The following SLC38A4 variants were observed in gnomAD, a reference collection of about 807,000 sequenced individuals.
SLC38A4 encodes the protein solute carrier family 38 member 4.
In SLC38A4, 20 loss-of-function variants were observed where a neutral mutation model predicts 63.1. The observed-to-expected ratio is 0.32, with a 90% CI of 0.22 to 0.46. The LOEUF (loss-of-function observed/expected upper bound fraction) is 0.46, where lower values mean the gene tolerates loss of function less well. Among genes scored for constraint, SLC38A4 ranks in the 20% least tolerant of loss-of-function variants. The pLI, the probability that SLC38A4 is intolerant of heterozygous loss-of-function variation, is 1.00. For missense variants in SLC38A4, 526 were observed against 663.6 expected, an observed-to-expected ratio of 0.79 and a Z score of 2.28; for synonymous variants, 230 against 225.5, an observed-to-expected ratio of 1.02 and a Z score of -0.18.
chr12:46,777,286 A>G (rs1938548748), intron 12 of SLC38A4, among the ~76,000 whole-genome samples: 1 of 152,068 alleles, frequency 6.6e-6, no homozygotes, highest in Admixed American at 6.6e-5. Context: ...GAATAAGAAT[A>G]TAATTAACAT....
chr12:46,767,856 A>G (rs1938331117), intron 16 of SLC38A4, among the ~76,000 whole-genome samples: 1 of 152,126 alleles, frequency 6.6e-6, no homozygotes, highest in African/African-American at 2.4e-5. Flanking sequence ...TCTGGATCTT[A>G]GTCCACACCA....
chr12:46,807,467 A>C (rs1203484508), intron 1 of SLC38A4, among the ~76,000 whole-genome samples: 1 of 151,970 alleles, frequency 6.6e-6, no homozygotes, highest in Non-Finnish European at 1.5e-5. Flanking sequence ...TACTAGCAGG[A>C]CTGCAGAAAG....
chr12:46,784,983 G>T, intron 6 of SLC38A4, 121 bp downstream of exon 6: 1 of 898,394 alleles, frequency 1.1e-6, no homozygotes, highest in Non-Finnish European at 1.8e-6. Flanking sequence ...CGTGTCACTG[G>T]GCTCAGAAGA....
At chr12:46,816,562 G>A (rs879679512) in intron 1 of SLC38A4, among the ~76,000 whole-genome samples, 2 of 151,640 alleles carry the variant, frequency 1.3e-5, no homozygotes, top group East Asian at 1.9e-4. Context: ...ATAAAAATAC[G>A]GGCAGCTGAT....
chr12:46,785,964 T>A (rs904807523), intron 5 of SLC38A4, among the ~76,000 whole-genome samples: 1 of 151,940 alleles, frequency 6.6e-6, no homozygotes, highest in African/African-American at 2.4e-5. Flanking sequence ...TGTTTATTTT[T>A]AAAAAATACA....
intron 14 of SLC38A4, among the ~76,000 whole-genome samples, chr12:46,771,208 C>A (rs995398852): frequency 6.6e-6 from 1 of 152,068 alleles, no homozygotes; most frequent in Non-Finnish European, 1.5e-5. Context: ...TTATGATCTG[C>A]AATTAGTGCT....
Position 46,769,411 on chromosome 12 carries a change from G to A in SLC38A4, c.1317C>T (p.Ile439=). The A allele has an allele frequency of 1.9e-6, 3 of 1,613,188 alleles. No homozygotes were observed. Among genetic ancestry groups the A allele is most frequent in the Non-Finnish European group, 1.7e-6 (2 of 1,179,384 alleles). ...IVLFPIRTSV[I]TLLFPKRPFS... Reference sequence around the variant, plus strand: ...AGGGTCGTTTGGGAAATAACAGTGTGATCACTGATGTACGAATCTTAAACA... The same window carrying A: ...AGGGTCGTTTGGGAAATAACAGTGTAATCACTGATGTACGAATCTTAAACA... Residue 439 remains isoleucine, a synonymous_variant, in exon 15 of 17, where the codon ATC becomes ATT. Transcript: ENST00000266579.
intron 2 of SLC38A4, among the ~76,000 whole-genome samples, chr12:46,798,257 C>T (rs1003924604): frequency 6.6e-6 from 1 of 152,144 alleles, no homozygotes; most frequent in Non-Finnish European, 1.5e-5. Context: ...GTCCAAAATT[C>T]TCAACATGCC....
chr12:46,778,879 T>C (rs1303828251), intron 10 of SLC38A4, 103 bp from the exon 11 acceptor site: 1 of 983,480 alleles, frequency 1.0e-6, no homozygotes, highest in Non-Finnish European at 1.5e-6. Context: ...GTGAGGGAAC[T>C]CAGTTAGGGA....
chr12:46,790,407 C>T (rs995642323), intron 3 of SLC38A4, among the ~76,000 whole-genome samples: 1 of 152,080 alleles, frequency 6.6e-6, no homozygotes, highest in Admixed American at 6.6e-5. Context: ...TTTCCATTCA[C>T]CCCCCACCCA....
intron 13 of SLC38A4, among the ~76,000 whole-genome samples, chr12:46,775,935 C>T (rs898731429): frequency 1.3e-5 from 2 of 151,850 alleles, no homozygotes; most frequent in Non-Finnish European, 1.5e-5. Context: ...GTAGTATTGA[C>T]CTCGTCATTC....
At chr12:46,791,870 A>G (rs1158629253) in intron 3 of SLC38A4, among the ~76,000 whole-genome samples, 1 of 152,118 alleles carries the variant, frequency 6.6e-6, no homozygotes, top group Non-Finnish European at 1.5e-5. Flanking sequence ...AGAGGTGTCA[A>G]CACGGAGAAA....
At position 46,778,776 on chromosome 12, in the gene SLC38A4, C is replaced by A; in HGVS notation, c.718G>T (p.Val240Leu). ...GGTATTTGGAATTTCTTGTAAATCA[C>A]CTAGACTCAGTCATTAAAAAAGAAA... ...LTCMVFFVSVVIYKKFQIPCP... is the reference protein window; with the variant it reads ...LTCMVFFVSVLIYKKFQIPCP... Residue 240 changes from valine to leucine, a missense_variant and splice_region_variant, in exon 11 of 17, where the codon GTG becomes TTG. Physicochemically the swap from Val to Leu is conservative, Grantham distance 32. Coordinates refer to ENST00000266579, the MANE Select transcript of SLC38A4 (RefSeq NM_018018.5). The A allele has an allele frequency of 6.2e-7, 1 of 1,608,262 alleles. No homozygotes were observed. The highest frequency in any genetic ancestry group is 1.1e-5 in the South Asian group (1 of 90,410).
intron 10 of SLC38A4, 145 bp from the exon 11 acceptor site, chr12:46,778,921 C>CCTCTAGCCT: frequency 1.4e-6 from 1 of 706,214 alleles, no homozygotes. Context: ...AAGTAAACTT[C>CCTCTAGCCT]CTCTAGCCTC....
At chr12:46,812,008 A>T (rs1227344083) in intron 1 of SLC38A4, among the ~76,000 whole-genome samples, 2 of 152,076 alleles carry the variant, frequency 1.3e-5, no homozygotes, top group Non-Finnish European at 2.9e-5. Flanking sequence ...AACTTGTCTT[A>T]ATTATTTTAA....
intron 1 of SLC38A4, among the ~76,000 whole-genome samples, chr12:46,814,582 C>A (rs4627160): frequency 1.3e-5 from 2 of 151,766 alleles, no homozygotes; most frequent in African/African-American, 4.8e-5. Context: ...ACATTTCACT[C>A]ACACTGTACC....
At chr12:46,812,774 A>G (rs1418349203) in intron 1 of SLC38A4, among the ~76,000 whole-genome samples, 2 of 152,058 alleles carry the variant, frequency 1.3e-5, no homozygotes, top group Non-Finnish European at 2.9e-5. Context: ...AAAAACCTTA[A>G]CAATGTCAAT....
At position 46,824,867 on chromosome 12, in the gene SLC38A4, C is replaced by T. The variant is rs887043982; in HGVS notation, c.-305+1036G>A. On this transcript the variant is annotated intron_variant, in intron 1 of 16. Transcript: ENST00000266579. ...GTGGGTCAGATTGCACAAATCTACA[C>T]ATGTGGCAAAATGGCATAGAAACTA... Among the ~76,000 whole-genome samples the T allele has an allele frequency of 2.4e-4, 37 of 152,186 alleles. 1 individual carries two copies. The highest frequency in any genetic ancestry group is 5.1e-4 in the Non-Finnish European group (35 of 68,036).
At chr12:46,782,260 G>A (rs548998335) in intron 7 of SLC38A4, among the ~76,000 whole-genome samples, 7 of 152,026 alleles carry the variant, frequency 4.6e-5, no homozygotes, top group Non-Finnish European at 7.4e-5. Flanking sequence ...CAAGATCTCT[G>A]TGCAAGTGTA....
Sources: allele counts gnomAD v4.1 joint callset (sites outside exome capture counted in the v4.1 genomes callset), GRCh38; gene constraint gnomAD v4.1.1; transcripts MANE v1.5; gene names NCBI Gene and HGNC (gene_info 2026-07-23, HGNC 2026-07-21).